Variants in PCDH15 observed in about 807,000 individuals in gnomAD.
The protein encoded by PCDH15 is protocadherin related 15.
A neutral mutation model predicts 178.5 loss-of-function variants in PCDH15; 129 were observed. The ratio of observed to expected loss-of-function variants is 0.72; its 90% CI spans 0.63 to 0.84. The LOEUF (loss-of-function observed/expected upper bound fraction) is 0.84. Ranked by LOEUF, PCDH15 falls within the 40% of genes least tolerant of loss-of-function variation. The probability of loss-of-function intolerance (pLI) is 0.00; values close to 1 mark genes in which losing one functional copy is unlikely to be tolerated. For missense variants in PCDH15, 2,230 were observed against 2,099.9 expected (o/e 1.06, Z -1.21); for synonymous variants, 800 against 732.0 (o/e 1.09, Z -1.50).
At chr10:54,836,460 A>T (rs1429598458) in intron 3 of PCDH15, among the ~76,000 whole-genome samples, 1 of 152,132 alleles carries the variant, frequency 6.6e-6, no homozygotes, top group Non-Finnish European at 1.5e-5. Context: ...TATATTTTAT[A>T]TTTGTTGAGG....
chr10:55,406,260 T>C (rs1336631283), intron 2 of PCDH15, among the ~76,000 whole-genome samples: 1 of 151,840 alleles, frequency 6.6e-6, no homozygotes, highest in African/African-American at 2.4e-5. Flanking sequence ...TAACTTATTT[T>C]TGAAGAGACA....
At chr10:54,195,084 T>A (rs2049470027) in intron 11 of PCDH15, among the ~76,000 whole-genome samples, 2 of 152,206 alleles carry the variant, frequency 1.3e-5, no homozygotes, top group South Asian at 4.1e-4. Context: ...TCTGTCCCTT[T>A]ATAACATTCA....
intron 10 of PCDH15, among the ~76,000 whole-genome samples, chr10:54,211,828 C>A (rs1333325904): frequency 3.3e-5 from 5 of 152,014 alleles, no homozygotes; most frequent in South Asian, 4.1e-4. Flanking sequence ...GTCCCCTGAA[C>A]AATGCCACAA....
chr10:54,298,150 A>T (rs974464379), intron 8 of PCDH15, among the ~76,000 whole-genome samples: 2 of 152,104 alleles, frequency 1.3e-5, no homozygotes, highest in Admixed American at 1.3e-4. Flanking sequence ...AAGGAAGAAA[A>T]TCCTGCCTTC....
chr10:55,166,969 T>A (rs1411545183), intron 1 of PCDH15, among the ~76,000 whole-genome samples: 1 of 152,178 alleles, frequency 6.6e-6, no homozygotes, highest in Non-Finnish European at 1.5e-5. Flanking sequence ...GAGTCTGCCA[T>A]TTCACCAGTC....
intron 2 of PCDH15, among the ~76,000 whole-genome samples, chr10:54,563,815 A>G (rs2088588182): frequency 1.3e-5 from 2 of 152,188 alleles, no homozygotes; most frequent in South Asian, 4.1e-4. Flanking sequence ...ACCATAACCA[A>G]ATACTTTTAA....
chr10:54,153,237 A>G lies in PCDH15; in HGVS notation c.1647T>C (p.Leu549=), dbSNP rs764794030. Residue 549 remains leucine, a synonymous_variant, in exon 14 of 38, where the codon CTT becomes CTC. Transcript: ENST00000644397. The stretch of plus-strand genomic sequence containing the variant: ...TGATGAAGTCTCCCTGAGCCCCAAC[A>G]AGGATTTCATATGTGATCTCCCCAT... The part of the protein sequence containing the change: ...GSNGEITYEI[L]VGAQGDFIIN... 3 of 1,613,768 alleles carry G rather than the reference A, an allele frequency of 1.9e-6. No individual in the cohort carries two copies. The highest frequency in any genetic ancestry group is 1.7e-5 in the Admixed American group (1 of 59,958).
intron 1 of PCDH15, among the ~76,000 whole-genome samples, chr10:55,255,652 G>C (rs1445122048): frequency 1.3e-5 from 2 of 152,226 alleles, no homozygotes; most frequent in East Asian, 3.9e-4. Flanking sequence ...ATTCTAACTG[G>C]TGTGAGATGG....
intron 2 of PCDH15, among the ~76,000 whole-genome samples, chr10:55,054,914 T>G (rs1187294246): frequency 6.6e-6 from 1 of 152,238 alleles, no homozygotes; most frequent in Non-Finnish European, 1.5e-5. Flanking sequence ...TGCTTGATAT[T>G]ACACCTTTGC....
intron 1 of PCDH15, among the ~76,000 whole-genome samples, chr10:55,193,796 G>T (rs1296516008): frequency 6.6e-6 from 1 of 151,686 alleles, no homozygotes; most frequent in Non-Finnish European, 1.5e-5. Context: ...GCCAATTTTT[G>T]TACTTTCTTC....
At chr10:54,017,909 T>A (rs564171300) in intron 20 of PCDH15, among the ~76,000 whole-genome samples, 1 of 152,282 alleles carries the variant, frequency 6.6e-6, no homozygotes, top group East Asian at 1.9e-4. Flanking sequence ...CCCAAAATTT[T>A]ATGGTCAAGA....
intron 2 of PCDH15, among the ~76,000 whole-genome samples, chr10:55,467,373 CTTTTTT>C (rs59787759): frequency 5.7e-5 from 5 of 87,770 alleles, no homozygotes; most frequent in African/African-American, 1.9e-4. Context: ...CTTGGCCTGA[CTTTTTT>C]TTTTTTTTTT....
At chr10:54,705,009 A>G (rs1346766804) in intron 1 of PCDH15, among the ~76,000 whole-genome samples, 1 of 152,134 alleles carries the variant, frequency 6.6e-6, no homozygotes, top group Non-Finnish European at 1.5e-5. Flanking sequence ...AAACAGAACA[A>G]GATTATGTCC....
intron 2 of PCDH15, among the ~76,000 whole-genome samples, chr10:54,584,343 A>C (rs968619352): frequency 2.0e-4 from 30 of 152,132 alleles, no homozygotes; most frequent in African/African-American, 7.0e-4. Context: ...GCAAGGCTGC[A>C]GTGAGCTATA....
At chr10:54,381,094 A>G (rs1415824676) in intron 3 of PCDH15, among the ~76,000 whole-genome samples, 1 of 151,942 alleles carries the variant, frequency 6.6e-6, no homozygotes, top group African/African-American at 2.4e-5. Flanking sequence ...ATTTTCATAT[A>G]CAAGCTTGCT....
chr10:54,515,564 A>C (rs2082127109), intron 3 of PCDH15, among the ~76,000 whole-genome samples: 1 of 152,244 alleles, frequency 6.6e-6, no homozygotes, highest in Non-Finnish European at 1.5e-5. Flanking sequence ...CAGGGCACAG[A>C]CAAACAAAAA....
At chr10:54,863,575 T>C (rs763065771) in intron 3 of PCDH15, among the ~76,000 whole-genome samples, 3 of 152,182 alleles carry the variant, frequency 2.0e-5, no homozygotes, top group Non-Finnish European at 2.9e-5. Context: ...AATGTTGTTC[T>C]ACAAAACTTG....
At chr10:54,342,274 C>T (rs1942381126) in intron 6 of PCDH15, among the ~76,000 whole-genome samples, 1 of 152,134 alleles carries the variant, frequency 6.6e-6, no homozygotes, top group African/African-American at 2.4e-5. Flanking sequence ...GGACCAGGGC[C>T]CCACTGCTCT....
chr10:54,209,823 T>C (rs2051217312), intron 10 of PCDH15, among the ~76,000 whole-genome samples: 1 of 152,122 alleles, frequency 6.6e-6, no homozygotes, highest in South Asian at 2.1e-4. Flanking sequence ...CTTAAATTTC[T>C]ATGAAGTAAA....
Sources: allele counts gnomAD v4.1 joint callset (sites outside exome capture counted in the v4.1 genomes callset), GRCh38; gene constraint gnomAD v4.1.1; transcripts MANE v1.5; gene names NCBI Gene and HGNC (gene_info 2026-07-23, HGNC 2026-07-21).